VIT: variants seen among roughly 807,000 people sequenced by gnomAD.
The protein encoded by VIT is vitrin.
VIT carries 99 observed loss-of-function variants against 78.0 expected under a neutral mutation model. The observed-to-expected ratio is 1.27, with a 90% CI of 1.08 to 1.50. VIT has a LOEUF of 1.50. Among genes scored for constraint, VIT ranks in the 40% most tolerant of loss-of-function variants. VIT has a pLI of 0.00. For synonymous variants in VIT, 374 were observed against 334.3 expected (o/e 1.12, Z -1.29); for missense variants, 1,126 against 875.3 (o/e 1.29, Z -3.61).
chr2:36,773,320 C>CTTTTTTTTTTTT (rs11464270), intron 7 of VIT, among the ~76,000 whole-genome samples: 1 of 145,724 alleles, frequency 6.9e-6, no homozygotes, highest in Non-Finnish European at 1.5e-5. Flanking sequence ...GTTAAATACT[C>CTTTTTTTTTTTT]TTTTTTTTTT....
intron 7 of VIT, among the ~76,000 whole-genome samples, chr2:36,768,195 G>T (rs1344460629): frequency 6.6e-6 from 1 of 152,136 alleles, no homozygotes; most frequent in Non-Finnish European, 1.5e-5. Flanking sequence ...ACTTTGGGAG[G>T]CCGAGGCAAG....
intron 12 of VIT, among the ~76,000 whole-genome samples, chr2:36,800,801 G>A (rs949954390): frequency 6.6e-5 from 10 of 152,112 alleles, no homozygotes; most frequent in African/African-American, 1.4e-4. Flanking sequence ...AGTGTCACCC[G>A]GTTGCAGGAT....
rs74393901 is a variant in VIT, at chr2:36,748,297, G to C, written c.275+5041G>C. Among the ~76,000 whole-genome samples, 76 of 152,278 alleles carry C rather than the reference G, an allele frequency of 5.0e-4. 1 individual carries two copies. In the East Asian group the frequency reaches 0.013, roughly 27 times the overall value. On this transcript the variant is annotated intron_variant, in intron 4 of 15. Transcript: ENST00000379242. ...CCAGTGAGACTGAGGGAATTTTCATGAACTATATATCCTCAAATATCTTTT... is the reference window on the plus strand; with the variant it reads ...CCAGTGAGACTGAGGGAATTTTCATCAACTATATATCCTCAAATATCTTTT...
At chr2:36,738,935 T>C (rs1411599108) in intron 3 of VIT, among the ~76,000 whole-genome samples, 1 of 152,140 alleles carries the variant, frequency 6.6e-6, no homozygotes, top group Admixed American at 6.5e-5. Context: ...ATAAGAATGC[T>C]TTGCAAAAGA....
intron 12 of VIT, among the ~76,000 whole-genome samples, chr2:36,788,285 T>A (rs931923099): frequency 2.6e-5 from 4 of 152,154 alleles, no homozygotes; most frequent in Non-Finnish European, 5.9e-5. Context: ...ACCCGCGGGG[T>A]CTCCAGCGCC....
intron 2 of VIT, among the ~76,000 whole-genome samples, chr2:36,727,993 AT>A (rs1490312028): frequency 1.3e-5 from 2 of 151,798 alleles, no homozygotes; most frequent in African/African-American, 4.8e-5. Context: ...CAGTGGTGTG[AT>A]CTCGGCTCAC....
At chr2:36,773,339 G>C (rs1424871573) in intron 7 of VIT, among the ~76,000 whole-genome samples, 12 of 131,510 alleles carry the variant, frequency 9.1e-5, no homozygotes, top group Non-Finnish European at 1.6e-5. Context: ...TTTTTCATTT[G>C]AATTCCTCTT....
rs772185076 is a variant in VIT, at chr2:36,801,446, G to A, written c.1162+42G>A. 6.0e-6 allele frequency: 9 copies of A among 1,492,992 alleles called. No homozygotes were observed. In the Admixed American group the frequency reaches 6.7e-5, roughly 11 times the overall value. 92.5% of individuals were successfully genotyped at this position (1,492,992 alleles called of 1,614,324 possible). ...CAAATTATACTATCTTGCTACCATC[G>A]TTCTCTTTCTACGTGATTGTCTTCT... On this transcript the variant is annotated intron_variant, in intron 13 of 15. Coordinates refer to ENST00000379242, the MANE Select transcript of VIT (RefSeq NM_053276.4).
chr2:36,773,231 T>C (rs555391842), intron 7 of VIT, among the ~76,000 whole-genome samples: 1 of 152,314 alleles, frequency 6.6e-6, no homozygotes, highest in East Asian at 1.9e-4. Context: ...AAATATGGCA[T>C]TTGACTAAAA....
At chr2:36,812,020 C>A (rs906346957) in intron 15 of VIT, among the ~76,000 whole-genome samples, 1 of 152,122 alleles carries the variant, frequency 6.6e-6, no homozygotes, top group Non-Finnish European at 1.5e-5. Context: ...TTTTTAAGGG[C>A]AACCTCTCCA....
intron 2 of VIT, among the ~76,000 whole-genome samples, chr2:36,726,805 T>G (rs1573160971): frequency 7.0e-5 from 7 of 99,488 alleles, no homozygotes; most frequent in Non-Finnish European, 7.5e-5. Context: ...GGCAACAGAG[T>G]GGGACTCTGT....
At chr2:36,714,184 A>G (rs927384729) in intron 1 of VIT, among the ~76,000 whole-genome samples, 1 of 152,220 alleles carries the variant, frequency 6.6e-6, no homozygotes, top group Admixed American at 6.5e-5. Context: ...GCTTTCATAT[A>G]CTAAACAACT....
chr2:36,719,506 C>G (rs1298732331), intron 2 of VIT, among the ~76,000 whole-genome samples: 6 of 152,004 alleles, frequency 3.9e-5, no homozygotes, highest in Admixed American at 2.0e-4. Flanking sequence ...AATCAACATA[C>G]AAAAATCTGT....
rs77720173 is a variant in VIT, at chr2:36,706,926, T to G, written c.-18-9427T>G. ...GGGTAGAAAGTGCGCAATATTAAGT[T>G]GGAGACCTGGGCTCTGTGACTTTGG... On this transcript the variant is annotated intron_variant, in intron 1 of 15. Transcript: ENST00000379242. 6.6e-3 allele frequency among the ~76,000 whole-genome samples: 998 copies of G among 152,254 alleles called. 5 individuals are homozygous for G. The highest frequency in any genetic ancestry group is 0.011 in the South Asian group (53 of 4,816).
chr2:36,768,585 G>A (rs1003331342), intron 7 of VIT, among the ~76,000 whole-genome samples: 1 of 152,152 alleles, frequency 6.6e-6, no homozygotes, highest in African/African-American at 2.4e-5. Context: ...TATTGATGAG[G>A]AAACCAAGGA....
At chr2:36,752,310 G>A (rs879219319) in intron 4 of VIT, among the ~76,000 whole-genome samples, 14 of 152,122 alleles carry the variant, frequency 9.2e-5, no homozygotes, top group Admixed American at 2.6e-4. Context: ...CACTCTTCAC[G>A]CTGATCTCTG....
chr2:36,718,058 T>A (rs1448711933), intron 2 of VIT, among the ~76,000 whole-genome samples: 1 of 152,196 alleles, frequency 6.6e-6, no homozygotes, highest in Non-Finnish European at 1.5e-5. Flanking sequence ...TCTGCACATT[T>A]TCCCTTTTTA....
chr2:36,800,040 C>A (rs1666202752), intron 12 of VIT, among the ~76,000 whole-genome samples: 2 of 139,810 alleles, frequency 1.4e-5, no homozygotes, highest in Non-Finnish European at 3.0e-5. Flanking sequence ...CAGCGAGACT[C>A]CGTCTCAAAA....
At chr2:36,759,662 T>C (rs1668988188) in intron 6 of VIT, 1 of 990,180 alleles carries the variant, frequency 1.0e-6, no homozygotes, top group Non-Finnish European at 1.2e-6. Flanking sequence ...AAAGAGAAAC[T>C]GTGAGTCGCT....
Sources: allele counts gnomAD v4.1 joint callset (sites outside exome capture counted in the v4.1 genomes callset), GRCh38; gene constraint gnomAD v4.1.1; transcripts MANE v1.5; gene names NCBI Gene and HGNC (gene_info 2026-07-23, HGNC 2026-07-21).